DEPTOR: variants seen among roughly 807,000 people sequenced by gnomAD.
DEPTOR encodes the protein DEP domain-containing mTOR-interacting protein.
A neutral mutation model predicts 41.6 loss-of-function variants in DEPTOR; 41 were observed. The ratio of observed to expected loss-of-function variants is 0.98; its 90% confidence interval spans 0.77 to 1.28. The LOEUF (loss-of-function observed/expected upper bound fraction) is 1.28, where lower values mean the gene tolerates loss of function less well. DEPTOR is among the 50% of genes most tolerant of loss of function. The pLI, the probability that DEPTOR is intolerant of heterozygous loss-of-function variation, is 0.00. For missense variants in DEPTOR, 514 were observed against 527.9 expected, an observed-to-expected ratio of 0.97 and a Z score of 0.26; for synonymous variants, 195 against 192.3, an observed-to-expected ratio of 1.01 and a Z score of -0.12.
chr8:119,876,787 C>T (rs1197056132), intron 1 of DEPTOR, among the ~76,000 whole-genome samples: 1 of 152,120 alleles, frequency 6.6e-6, no homozygotes, highest in Non-Finnish European at 1.5e-5. Flanking sequence ...GTTCTGTGAC[C>T]TTGGACAAGT....
intron 8 of DEPTOR, among the ~76,000 whole-genome samples, chr8:120,014,189 C>T (rs1812574866): frequency 6.6e-6 from 1 of 152,214 alleles, no homozygotes; most frequent in African/African-American, 2.4e-5. Flanking sequence ...ATATGGAAAT[C>T]ATCAAAAGTT....
chr8:120,003,934 A>G (rs2130088711), intron 6 of DEPTOR, among the ~76,000 whole-genome samples: 1 of 152,228 alleles, frequency 6.6e-6, no homozygotes, highest in African/African-American at 2.4e-5. Flanking sequence ...GTGGTCCATC[A>G]CTACAGTAAC....
Position 120,010,385 on chromosome 8 carries a change from C to T in DEPTOR, c.1101+1252C>T, listed in dbSNP as rs533354431. Among the ~76,000 whole-genome samples, 12 of 152,102 alleles carry T rather than the reference C, an allele frequency of 7.9e-5. No individual in the cohort carries two copies. In the South Asian group the frequency reaches 2.3e-3, roughly 29 times the overall value. Reference sequence around the variant, plus strand: ...ATTCCAGCATCTTGGGAGGCTGAGGCGGGTGGATCACTTTAGGTCAGGAGT... The same window carrying T: ...ATTCCAGCATCTTGGGAGGCTGAGGTGGGTGGATCACTTTAGGTCAGGAGT... On this transcript the variant is annotated intron_variant, in intron 8 of 8. Transcript: ENST00000286234.
At chr8:119,883,461 C>T (rs1335770298) in intron 1 of DEPTOR, among the ~76,000 whole-genome samples, 7 of 109,744 alleles carry the variant, frequency 6.4e-5, no homozygotes, top group African/African-American at 1.5e-4. Flanking sequence ...GGCGACAGAG[C>T]GAGACTCGTC....
chr8:119,987,321 C>G (rs1828841113), intron 4 of DEPTOR, among the ~76,000 whole-genome samples: 1 of 152,146 alleles, frequency 6.6e-6, no homozygotes, highest in Non-Finnish European at 1.5e-5. Flanking sequence ...TGCTGGAGGT[C>G]TACTCCAGAC....
At chr8:119,970,523 A>G (rs1828618348) in intron 4 of DEPTOR, among the ~76,000 whole-genome samples, 1 of 152,182 alleles carries the variant, frequency 6.6e-6, no homozygotes, top group African/African-American at 2.4e-5. Flanking sequence ...AAGGAGACAG[A>G]CTGGATTTAG....
intron 4 of DEPTOR, among the ~76,000 whole-genome samples, chr8:119,981,978 CACTCT>C (rs1828774417): frequency 7.3e-6 from 1 of 137,910 alleles, no homozygotes. Flanking sequence ...CATGCCACTG[CACTCT>C]AGCCCAGTCG....
chr8:119,953,590 C>CAAA (rs59533834), intron 3 of DEPTOR, among the ~76,000 whole-genome samples: 3,315 of 69,276 alleles, frequency 0.048, 46 homozygotes, highest in Non-Finnish European at 0.063. Flanking sequence ...GACTCTGTCT[C>CAAA]AAAAAAAAAA....
intron 1 of DEPTOR, among the ~76,000 whole-genome samples, chr8:119,880,357 T>C (rs1469176320): frequency 6.6e-6 from 1 of 152,118 alleles, no homozygotes. Context: ...CCTTTATTAC[T>C]TTTATTTTGT....
chr8:119,889,056 T>G (rs1411298480), intron 1 of DEPTOR, among the ~76,000 whole-genome samples: 1 of 151,862 alleles, frequency 6.6e-6, no homozygotes, highest in Non-Finnish European at 1.5e-5. Flanking sequence ...ATTTAAAAAT[T>G]TGTACACAAT....
At chr8:119,920,937 C>T (rs1260078294) in intron 1 of DEPTOR, among the ~76,000 whole-genome samples, 1 of 152,026 alleles carries the variant, frequency 6.6e-6, no homozygotes, top group African/African-American at 2.4e-5. Context: ...ACTCCCCTCT[C>T]CTTCCTAATG....
chr8:119,910,688 G>A (rs549723749), intron 1 of DEPTOR, among the ~76,000 whole-genome samples: 6 of 151,946 alleles, frequency 3.9e-5, no homozygotes, highest in Non-Finnish European at 7.4e-5. Flanking sequence ...TAATCCACCC[G>A]CCTCAACCTC....
At chr8:119,960,243 A>C (rs1250428316) in intron 3 of DEPTOR, among the ~76,000 whole-genome samples, 1 of 152,048 alleles carries the variant, frequency 6.6e-6, no homozygotes, top group Non-Finnish European at 1.5e-5. Context: ...AACAAAAAAC[A>C]AAAAACAAAA....
At chr8:120,021,231 C>T (rs938272466) in intron 8 of DEPTOR, among the ~76,000 whole-genome samples, 1 of 151,760 alleles carries the variant, frequency 6.6e-6, no homozygotes, top group Non-Finnish European at 1.5e-5. Flanking sequence ...GGCGAAACCC[C>T]GTCTCTACTA....
At chr8:119,980,370 A>G (rs1828746860) in intron 4 of DEPTOR, among the ~76,000 whole-genome samples, 4 of 152,160 alleles carry the variant, frequency 2.6e-5, no homozygotes, top group Admixed American at 2.0e-4. Context: ...AGTGGCTGCC[A>G]TCTTGGAGAA....
At chr8:119,989,163 TA>T (rs1486625543) in intron 4 of DEPTOR, among the ~76,000 whole-genome samples, 2 of 152,098 alleles carry the variant, frequency 1.3e-5, no homozygotes, top group East Asian at 1.9e-4. Context: ...AATATTTCTT[TA>T]AAAATTATTT....
At chr8:119,946,945 C>A (rs536856496) in intron 3 of DEPTOR, among the ~76,000 whole-genome samples, 10 of 152,160 alleles carry the variant, frequency 6.6e-5, no homozygotes, top group Non-Finnish European at 1.3e-4. Flanking sequence ...GTTATTCTGG[C>A]CAGTTCAGAC....
intron 8 of DEPTOR, among the ~76,000 whole-genome samples, chr8:120,018,618 GAA>G (rs1431889821): frequency 6.6e-6 from 1 of 152,170 alleles, no homozygotes; most frequent in African/African-American, 2.4e-5. Context: ...TGGAGTTCAG[GAA>G]AGTCATATGG....
At chr8:119,910,194 A>G (rs1827719449) in intron 1 of DEPTOR, among the ~76,000 whole-genome samples, 1 of 152,244 alleles carries the variant, frequency 6.6e-6, no homozygotes, top group Non-Finnish European at 1.5e-5. Context: ...GACTCTAAGT[A>G]TATAGAACAC....
Sources: gnomAD v4.1 joint callset for allele counts (sites outside exome capture counted in the v4.1 genomes callset) on GRCh38, gnomAD v4.1.1 for gene constraint, MANE v1.5 for transcripts, NCBI Gene and HGNC (gene_info 2026-07-23, HGNC 2026-07-21) for gene names.